Variants in PPP6R2 observed in about 807,000 individuals in gnomAD.
The protein encoded by PPP6R2 is serine/threonine-protein phosphatase 6 regulatory subunit 2.
PPP6R2 carries 62 observed loss-of-function variants against 100.2 expected under a neutral mutation model. The observed-to-expected ratio is 0.62, with a 90% CI of 0.50 to 0.76. PPP6R2 has a LOEUF of 0.76. PPP6R2 is among the 30% of genes least tolerant of loss of function. The probability of loss-of-function intolerance (pLI) is 0.00; values close to 1 mark genes in which losing one functional copy is unlikely to be tolerated. For synonymous variants in PPP6R2, 525 were observed against 514.7 expected (o/e 1.02, Z -0.27); for missense variants, 1,142 against 1,276.3 (o/e 0.89, Z 1.60).
At chr22:50,430,020 T>C (rs2062844725) in intron 10 of PPP6R2, among the ~76,000 whole-genome samples, 1 of 152,180 alleles carries the variant, frequency 6.6e-6, no homozygotes, top group Non-Finnish European at 1.5e-5. Flanking sequence ...CCCATTCCCC[T>C]CTCCATACAG....
At chr22:50,373,083 T>C (rs903011801) in intron 2 of PPP6R2, among the ~76,000 whole-genome samples, 2 of 152,066 alleles carry the variant, frequency 1.3e-5, no homozygotes, top group Non-Finnish European at 2.9e-5. Flanking sequence ...ATACAGCATA[T>C]ACACTGTCAC....
Position 50,393,926 on chromosome 22 carries a change from C to T in PPP6R2, c.18C>T (p.Asp6=), listed in dbSNP as rs1317572140. 6.2e-7 allele frequency: 1 copy of T among 1,614,200 alleles called. No homozygotes were observed. Among genetic ancestry groups the T allele is most frequent in the Non-Finnish European group, 8.5e-7 (1 of 1,180,038 alleles). The change falls in exon 3 of 24, where the codon GAC becomes GAT. Residue 6 remains aspartate (D), a synonymous_variant. Transcript: ENST00000612753. MFWKF[D]LNTTSHVDKL... ...CCGTCACGATGTTCTGGAAGTTTGA[C>T]TTGAACACCACGTCCCATGTTGACA... is the stretch of plus-strand genomic sequence containing the variant.
At chr22:50,371,708 C>G (rs1474126331) in intron 1 of PPP6R2, among the ~76,000 whole-genome samples, 1 of 152,064 alleles carries the variant, frequency 6.6e-6, no homozygotes, top group African/African-American at 2.4e-5. Flanking sequence ...GGCATGATCT[C>G]AGCTCACTGC....
intron 3 of PPP6R2, among the ~76,000 whole-genome samples, chr22:50,397,209 G>A (rs1453883274): frequency 1.3e-5 from 2 of 152,092 alleles, no homozygotes; most frequent in Non-Finnish European, 2.9e-5. Flanking sequence ...CCCAGGTCAG[G>A]ATATCCATTT....
At chr22:50,400,497 A>G (rs1009741997) in intron 3 of PPP6R2, among the ~76,000 whole-genome samples, 1 of 152,162 alleles carries the variant, frequency 6.6e-6, no homozygotes, top group Non-Finnish European at 1.5e-5. Context: ...TGATGTAGCA[A>G]GCTCCTGGCT....
chr22:50,370,566 C>T (rs1023562363), intron 1 of PPP6R2, among the ~76,000 whole-genome samples: 6 of 151,924 alleles, frequency 3.9e-5, no homozygotes, highest in Admixed American at 2.0e-4. Context: ...GGATTACAGG[C>T]GTGAGCCACC....
At chr22:50,414,436 C>T (rs537804442) in intron 4 of PPP6R2, 116 bp from the exon 5 acceptor site, 62 of 1,147,146 alleles carry the variant, frequency 5.4e-5, no homozygotes, top group South Asian at 5.4e-4. Context: ...TGGGTCTTTC[C>T]GTTATTTCTG....
At chr22:50,342,927 C>A (rs1483235410), upstream of PPP6R2, among the ~76,000 whole-genome samples, 285 of 152,202 alleles carry the variant, frequency 1.9e-3, 1 homozygote, top group Non-Finnish European at 3.4e-4. Context: ...CTGGGAGGGG[C>A]CTGTGGCAGG....
intron 4 of PPP6R2, among the ~76,000 whole-genome samples, chr22:50,407,180 C>G (rs1243572771): frequency 6.6e-6 from 1 of 152,120 alleles, no homozygotes; most frequent in Non-Finnish European, 1.5e-5. Context: ...AACCCTGTCT[C>G]TACTAAAAGT....
chr22:50,360,143 C>T (rs535882115), intron 1 of PPP6R2, among the ~76,000 whole-genome samples: 2 of 151,570 alleles, frequency 1.3e-5, no homozygotes, highest in Non-Finnish European at 2.9e-5. Context: ...ACCTCCATCT[C>T]CTGGGTTCAA....
rs376757157 is a variant in PPP6R2, at chr22:50,431,287, G to A, written c.1240G>A (p.Glu414Lys). 1.9e-6 allele frequency: 3 copies of A among 1,613,520 alleles called. No homozygotes were observed. The highest frequency in any genetic ancestry group is 1.1e-5 in the South Asian group (1 of 91,088). The change falls in exon 11 of 24, where the codon GAG becomes AAG. Residue 414 changes from glutamate (E) to lysine (K), a missense_variant. Glu to Lys is a moderately conservative substitution (Grantham distance 56). Around this residue, in one of 2 missense-constraint regions of PPP6R2, gnomAD observed 592 missense variants for 758.9 expected, o/e 0.78. Coordinates refer to ENST00000612753, the MANE Select transcript of PPP6R2 (RefSeq NM_001242898.2). This position sits in a 1 kb window ranked among gnomAD's most constrained non-coding sequence, Gnocchi z 4.8. ...REERTEASGS[E>K]SRVEPPHENG... ...GGAGAGGACAGAAGCCAGCGGATCC[G>A]AGAGCAGGGTGGAGCCTCCGCATGA...
intron 1 of PPP6R2, among the ~76,000 whole-genome samples, chr22:50,361,504 C>T (rs560989806): frequency 6.6e-6 from 1 of 152,258 alleles, no homozygotes; most frequent in South Asian, 2.1e-4. Context: ...TTTGTTGGCT[C>T]TTACTTCTTC....
chr22:50,395,827 A>G (rs575347453), intron 3 of PPP6R2, among the ~76,000 whole-genome samples: 96 of 147,298 alleles, frequency 6.5e-4, no homozygotes, highest in African/African-American at 2.4e-3. Context: ...TCGGCCTCCC[A>G]AAGTGCTGGG....
At chr22:50,412,424 C>T (rs902846753) in intron 4 of PPP6R2, among the ~76,000 whole-genome samples, 4 of 151,938 alleles carry the variant, frequency 2.6e-5, no homozygotes, top group African/African-American at 4.8e-5. Context: ...TCAAGTGATC[C>T]GCCTGCCTTG....
At chr22:50,341,949 C>T (rs1033661589), upstream of PPP6R2, among the ~76,000 whole-genome samples, 11 of 151,254 alleles carry the variant, frequency 7.3e-5, no homozygotes, top group African/African-American at 1.5e-4. Context: ...GCCGAGATCG[C>T]GCCACTGCAC....
At chr22:50,410,055 T>C (rs1045713141) in intron 4 of PPP6R2, among the ~76,000 whole-genome samples, 12 of 152,164 alleles carry the variant, frequency 7.9e-5, no homozygotes, top group Admixed American at 1.3e-4. Context: ...TTATTTTTTT[T>C]CTTTTCTATT....
upstream of PPP6R2, among the ~76,000 whole-genome samples, chr22:50,341,843 A>T (rs185196848): frequency 6.6e-6 from 1 of 152,090 alleles, no homozygotes; most frequent in East Asian, 1.9e-4. Flanking sequence ...AAATACAAAA[A>T]TTAGCCGGGC....
At chr22:50,419,078 C>A in intron 7 of PPP6R2, 99 bp downstream of exon 7, 1 of 967,700 alleles carries the variant, frequency 1.0e-6, no homozygotes, top group Non-Finnish European at 1.6e-6. Flanking sequence ...TTGCCACCTC[C>A]TCTGATTCAC....
intron 13 of PPP6R2, 31 bp from the exon 14 acceptor site, chr22:50,436,336 C>A: frequency 6.4e-7 from 1 of 1,552,088 alleles, no homozygotes; most frequent in South Asian, 1.2e-5. Context: ...CGGGGTCTCC[C>A]AGGGCTCACC....
Sources: gnomAD v4.1 joint callset for allele counts (sites outside exome capture counted in the v4.1 genomes callset) on GRCh38, gnomAD v4.1.1 for gene constraint, gnomAD v4.1.1 regional missense constraint, Gnocchi (gnomAD v3.1) non-coding constraint, MANE v1.5 for transcripts, NCBI Gene and HGNC (gene_info 2026-07-23, HGNC 2026-07-21) for gene names.